Variants in GAS7 observed in about 807,000 individuals in gnomAD.
GAS7 encodes growth arrest specific 7, also known as growth arrest-specific protein 7.
In GAS7, 28 loss-of-function variants were observed where a neutral mutation model predicts 71.1. The observed-to-expected ratio is 0.39, with a 90% CI of 0.29 to 0.54. GAS7 has a LOEUF of 0.54. GAS7 is among the 20% of genes least tolerant of loss of function. The pLI is 0.62. For missense variants in GAS7, 436 were observed against 627.8 expected (o/e 0.69, Z 3.27); for synonymous variants, 258 against 245.8 (o/e 1.05, Z -0.46).
chr17:10,101,158 TA>T (rs2073694872), intron 1 of GAS7, among the ~76,000 whole-genome samples: 1 of 152,038 alleles, frequency 6.6e-6, no homozygotes. Context: ...GGGGAGCAGG[TA>T]TCCACGCATG....
intron 1 of GAS7, among the ~76,000 whole-genome samples, chr17:10,029,925 G>A (rs2072570304): frequency 6.6e-6 from 1 of 152,022 alleles, no homozygotes; most frequent in African/African-American, 2.4e-5. Flanking sequence ...GGAACACTGA[G>A]ATCATGAGAA....
At chr17:10,029,354 C>T (rs2072553230) in intron 1 of GAS7, among the ~76,000 whole-genome samples, 1 of 152,172 alleles carries the variant, frequency 6.6e-6, no homozygotes, top group African/African-American at 2.4e-5. Context: ...AAGAGATGTA[C>T]TTCAACTGCC....
Position 9,928,213 on chromosome 17 carries a change from C to T in GAS7, c.886-1444G>A, listed in dbSNP as rs376638965. Reference sequence around the variant, plus strand: ...CTGCAAGCCTCGCCTTCCAGGTTCACGCCATTCTCCTGTCTCAGCCTCCCG... The same window carrying T: ...CTGCAAGCCTCGCCTTCCAGGTTCATGCCATTCTCCTGTCTCAGCCTCCCG... On this transcript the variant is annotated intron_variant, in intron 9 of 13. Coordinates refer to ENST00000432992, the MANE Select transcript of GAS7 (RefSeq NM_201433.2). Among the ~76,000 whole-genome samples the T allele has an allele frequency of 5.3e-5, 8 of 151,894 alleles. No individual in the cohort carries two copies. In the South Asian group the frequency reaches 8.3e-4, roughly 16 times the overall value.
At chr17:9,955,952 C>T (rs180678451) in intron 5 of GAS7, among the ~76,000 whole-genome samples, 8 of 152,362 alleles carry the variant, frequency 5.3e-5, no homozygotes, top group Admixed American at 2.6e-4. Flanking sequence ...GGCTTTTCCG[C>T]ACAGGAGCAG....
At chr17:10,099,773 C>T (rs1028363238) in intron 1 of GAS7, among the ~76,000 whole-genome samples, 1 of 152,174 alleles carries the variant, frequency 6.6e-6, no homozygotes, top group Non-Finnish European at 1.5e-5. Flanking sequence ...TGCCCTCTGC[C>T]CTGGCCTTCT....
intron 1 of GAS7, among the ~76,000 whole-genome samples, chr17:10,123,234 T>C (rs946698450): frequency 3.3e-5 from 5 of 152,218 alleles, no homozygotes; most frequent in African/African-American, 1.2e-4. Flanking sequence ...TACTTAGAGC[T>C]GTGGTCCAGA....
intron 8 of GAS7, among the ~76,000 whole-genome samples, chr17:9,937,469 C>T (rs2068442557): frequency 6.6e-6 from 1 of 152,214 alleles, no homozygotes; most frequent in Non-Finnish European, 1.5e-5. Flanking sequence ...TATGTGCCCC[C>T]TTCCTGCCCC....
rs142169523 is a variant in GAS7 at position 10,140,870 on chromosome 17, C to T, written c.183+57338G>A. On this transcript the variant is annotated intron_variant, in intron 1 of 13. Coordinates refer to ENST00000432992, the MANE Select transcript of GAS7 (RefSeq NM_201433.2). ...AAACAAAAAGAGTCACTTGTATGTGCACAACACTGCAGATACAAATGCTAA... is the reference window on the plus strand; with the variant it reads ...AAACAAAAAGAGTCACTTGTATGTGTACAACACTGCAGATACAAATGCTAA... 1.5e-3 allele frequency among the ~76,000 whole-genome samples: 225 copies of T among 152,334 alleles called. 1 individual carries two copies. Among genetic ancestry groups the T allele is most frequent in the African/African-American group, 5.3e-3 (222 of 41,582 alleles).
chr17:9,989,270 C>T (rs945377046), intron 2 of GAS7, among the ~76,000 whole-genome samples: 2 of 152,124 alleles, frequency 1.3e-5, no homozygotes, highest in African/African-American at 4.8e-5. Context: ...CTGGGAGCTG[C>T]AGCAAAACAG....
chr17:10,037,812 T>C (rs767974309), intron 1 of GAS7, among the ~76,000 whole-genome samples: 16 of 152,158 alleles, frequency 1.1e-4, no homozygotes, highest in Non-Finnish European at 2.2e-4. Context: ...AGGATTTTTG[T>C]TGTTACTATC....
intron 5 of GAS7, among the ~76,000 whole-genome samples, chr17:9,952,385 C>T (rs1397467378): frequency 6.6e-6 from 1 of 152,066 alleles, no homozygotes; most frequent in Non-Finnish European, 1.5e-5. Flanking sequence ...AGGACATGAA[C>T]AGACACTTTT....
chr17:10,006,685 T>C (rs917947278), intron 2 of GAS7, among the ~76,000 whole-genome samples: 2 of 139,978 alleles, frequency 1.4e-5, no homozygotes, highest in African/African-American at 5.7e-5. Context: ...CATGCGTATT[T>C]TTTTTTAATA....
rs148463421 is a variant in GAS7, at chr17:10,026,258, C to T, written c.184-6361G>A. 3.7e-3 allele frequency: 3,601 copies of T among 985,394 alleles called. 5 individuals are homozygous for T. Among genetic ancestry groups the T allele is most frequent in the Non-Finnish European group, 4.0e-3 (3,360 of 829,952 alleles). The allele number at this position is 985,394 out of a possible 1,614,324, so 61.0% of individuals were successfully genotyped here. A position where few individuals can be genotyped will look rare whatever the true frequency, so the allele number is the denominator to read the frequency against. ...GGTTTTAAGGTCTCCCACTCTGCAT[C>T]CTCTCACACCCCAAACCCAGAAGCA... On this transcript the variant is annotated intron_variant, in intron 1 of 13. Transcript: ENST00000432992. This position sits in a 1 kb window ranked among gnomAD's most constrained non-coding sequence, Gnocchi z 4.5.
rs925375284 is a variant in GAS7, at chr17:10,135,331, T to C, written c.183+62877A>G. Reference sequence around the variant, plus strand: ...AGCTGCTTCCACCCTGCCTCTGTTTTAGCTAGTCTTCAATTTGGCTGGGTG... The same window carrying C: ...AGCTGCTTCCACCCTGCCTCTGTTTCAGCTAGTCTTCAATTTGGCTGGGTG... On this transcript the variant is annotated intron_variant, in intron 1 of 13. Transcript: ENST00000432992. Among the ~76,000 whole-genome samples the C allele has an allele frequency of 3.3e-5, 5 of 152,170 alleles. No individual in the cohort carries two copies. In the South Asian group the frequency reaches 8.3e-4, roughly 25 times the overall value.
chr17:10,075,187 C>T (rs760695885), intron 1 of GAS7, among the ~76,000 whole-genome samples: 11 of 151,724 alleles, frequency 7.3e-5, no homozygotes, highest in Non-Finnish European at 1.2e-4. Context: ...GAAACCCCAC[C>T]CCTACTAAAA....
chr17:9,979,996 T>C (rs1024409219), intron 3 of GAS7, among the ~76,000 whole-genome samples: 1 of 151,864 alleles, frequency 6.6e-6, no homozygotes, highest in Non-Finnish European at 1.5e-5. Context: ...GCACTCACTG[T>C]CTCCCTAGGA....
At chr17:10,175,490 T>C (rs1006162618) in intron 1 of GAS7, among the ~76,000 whole-genome samples, 1 of 152,220 alleles carries the variant, frequency 6.6e-6, no homozygotes, top group Non-Finnish European at 1.5e-5. Context: ...CTTCTCCCTA[T>C]GTCTTCACAC....
intron 1 of GAS7, among the ~76,000 whole-genome samples, chr17:10,077,809 CA>C (rs1231380075): frequency 6.6e-6 from 1 of 151,964 alleles, no homozygotes; most frequent in African/African-American, 2.4e-5. Flanking sequence ...TCCAATAAAA[CA>C]AGGGAGAAAA....
intron 1 of GAS7, among the ~76,000 whole-genome samples, chr17:10,091,664 G>C (rs2073582765): frequency 6.6e-6 from 1 of 152,082 alleles, no homozygotes; most frequent in Admixed American, 6.6e-5. Context: ...AGGATTACAG[G>C]TGTGAGCCAC....
Sources: gnomAD v4.1 joint callset for allele counts (sites outside exome capture counted in the v4.1 genomes callset) on GRCh38, gnomAD v4.1.1 for gene constraint, Gnocchi (gnomAD v3.1) non-coding constraint, MANE v1.5 for transcripts, NCBI Gene and HGNC (gene_info 2026-07-23, HGNC 2026-07-21) for gene names.